Variants in HTR2B observed in about 807,000 individuals in gnomAD.
HTR2B encodes the protein 5-HT 2B receptor.
HTR2B carries 31 observed loss-of-function variants against 39.8 expected under a neutral mutation model. The observed-to-expected ratio is 0.78, with a 90% CI of 0.58 to 1.05. The LOEUF (loss-of-function observed/expected upper bound fraction) is 1.05. Ranked by LOEUF, HTR2B falls within the 50% of genes least tolerant of loss-of-function variation. The probability of loss-of-function intolerance (pLI) is 0.00; values close to 1 mark genes in which losing one functional copy is unlikely to be tolerated. For missense variants in HTR2B, 562 were observed against 578.0 expected, an observed-to-expected ratio of 0.97 and a Z score of 0.28; for synonymous variants, 210 against 207.1, an observed-to-expected ratio of 1.01 and a Z score of -0.12.
In HTR2B at chr2:231,108,525, A is replaced by T. The variant is rs746531795; in HGVS notation, c.1438T>A (p.Tyr480Asn). Reference protein sequence around the residue: ...EGDKTEEQVSYV With the variant: ...EGDKTEEQVSNV ...GACAACTGCCAGTTCTGCTATACAT[A>T]ACTAACTTGCTCTTCAGTTTTGTCA... is the stretch of plus-strand genomic sequence containing the variant. The change falls in exon 4 of 4, where the codon TAT becomes AAT. Residue 480 changes from tyrosine to asparagine, a missense_variant. Physicochemically the swap from Tyr to Asn is moderately radical, Grantham distance 143. Transcript: ENST00000258400. 9 of 1,613,216 alleles carry T rather than the reference A, an allele frequency of 5.6e-6. No homozygotes were observed. The East Asian group carries it at 2.0e-4, about 36-fold the overall frequency.
chr2:231,110,364 G>GA (rs2125207393), intron 3 of HTR2B, among the ~76,000 whole-genome samples: 1 of 152,150 alleles, frequency 6.6e-6, no homozygotes, highest in Non-Finnish European at 1.5e-5. Context: ...TATACCTCAT[G>GA]TTAGTTTTCT....
At position 231,108,986 on chromosome 2, in the gene HTR2B, A is replaced by T. The variant is rs1392746855; in HGVS notation, c.977T>A (p.Leu326Gln). The T allele has an allele frequency of 1.9e-5, 31 of 1,614,190 alleles. No homozygotes were observed. The highest frequency in any genetic ancestry group is 2.6e-5 in the Non-Finnish European group (31 of 1,180,014). Reference sequence around the variant, plus strand: ...CAAAAAGAGGAAAAACACAATCCCTAGGACCTTTGAGGCTCTCTGTTCGTT... The same window carrying T: ...CAAAAAGAGGAAAAACACAATCCCTTGGACCTTTGAGGCTCTCTGTTCGTT... Reference protein sequence around the residue: ...ISNEQRASKVLGIVFFLFLLM... With the variant: ...ISNEQRASKVQGIVFFLFLLM... Residue 326 changes from leucine (L) to glutamine (Q), a missense_variant, in exon 4 of 4, where the codon CTA becomes CAA. By Grantham distance (113) the Leu-to-Gln change is moderately radical (BLOSUM62 -2). Coordinates refer to ENST00000258400, the MANE Select transcript of HTR2B (RefSeq NM_000867.5).
chr2:231,123,576 C>T lies in HTR2B; in HGVS notation c.189G>A (p.Met63Ile), dbSNP rs763406105. 9 of 1,614,104 alleles carry T rather than the reference C, an allele frequency of 5.6e-6. No individual in the cohort carries two copies. The highest frequency in any genetic ancestry group is 7.6e-6 in the Non-Finnish European group (9 of 1,179,960). The change falls in exon 2 of 4, where the codon ATG (methionine) becomes ATA (isoleucine). Residue 63 changes from methionine to isoleucine, a missense_variant. Physicochemically the swap from Met to Ile is conservative, Grantham distance 10 (BLOSUM62 1). Coordinates refer to ENST00000258400, the MANE Select transcript of HTR2B (RefSeq NM_000867.5). ...KLHWAALLIL[M>I]VIIPTIGGNT... ...TTCCACCAATTGTGGGTATTATCACCATGAGTATCAGAAGAGCTGCCCAGT... is the reference window on the plus strand; with the variant it reads ...TTCCACCAATTGTGGGTATTATCACTATGAGTATCAGAAGAGCTGCCCAGT...
At chr2:231,120,885 A>G (rs1464745878) in intron 2 of HTR2B, among the ~76,000 whole-genome samples, 1 of 152,206 alleles carries the variant, frequency 6.6e-6, no homozygotes, top group Non-Finnish European at 1.5e-5. Context: ...TCTGCCTTTT[A>G]AAGTTATCAG....
At chr2:231,115,763 G>A (rs1695309978) in intron 2 of HTR2B, among the ~76,000 whole-genome samples, 5 of 152,138 alleles carry the variant, frequency 3.3e-5, no homozygotes. Context: ...ATCTGAAAGT[G>A]TTATTTAGAA....
intron 3 of HTR2B, 89 bp downstream of exon 3, chr2:231,113,640 G>A (rs1695231808): frequency 8.5e-7 from 1 of 1,170,684 alleles, no homozygotes; most frequent in Non-Finnish European, 1.3e-6. Context: ...CTCATGCTGA[G>A]TTTCATTGCC....
At chr2:231,115,335 G>A (rs1301154080) in intron 2 of HTR2B, among the ~76,000 whole-genome samples, 1 of 152,164 alleles carries the variant, frequency 6.6e-6, no homozygotes, top group African/African-American at 2.4e-5. Context: ...CCAGAAGGTA[G>A]CAAGGCTGAC....
At chr2:231,114,595 T>G (rs995611705) in intron 2 of HTR2B, among the ~76,000 whole-genome samples, 14 of 152,352 alleles carry the variant, frequency 9.2e-5, no homozygotes, top group African/African-American at 3.4e-4. Flanking sequence ...GGAGATAAAA[T>G]AATTAGTACA....
intron 3 of HTR2B, 131 bp from the exon 4 acceptor site, chr2:231,109,540 G>T: frequency 1.3e-6 from 1 of 766,798 alleles, no homozygotes; most frequent in Non-Finnish European, 2.1e-6. Context: ...CCACAATGCA[G>T]GATTTGTCGA....
chr2:231,115,178 A>G (rs1018673548), intron 2 of HTR2B, among the ~76,000 whole-genome samples: 2 of 151,998 alleles, frequency 1.3e-5, no homozygotes, highest in African/African-American at 4.8e-5. Context: ...GAGAGAGATT[A>G]AAATCTCAGA....
At chr2:231,115,011 T>C (rs1695281793) in intron 2 of HTR2B, among the ~76,000 whole-genome samples, 1 of 152,192 alleles carries the variant, frequency 6.6e-6, no homozygotes, top group South Asian at 2.1e-4. Context: ...TAAAATGTAA[T>C]CTACTTTTCT....
intron 3 of HTR2B, among the ~76,000 whole-genome samples, chr2:231,112,900 C>G (rs1016716178): frequency 6.6e-6 from 1 of 152,188 alleles, no homozygotes; most frequent in East Asian, 1.9e-4. Context: ...TGCAGTGACT[C>G]ACGCCTGTAA....
At chr2:231,116,765 T>G (rs1227456663) in intron 2 of HTR2B, among the ~76,000 whole-genome samples, 1 of 152,148 alleles carries the variant, frequency 6.6e-6, no homozygotes, top group Non-Finnish European at 1.5e-5. Context: ...TAGTGCTTTA[T>G]TGTTAACAGA....
Position 231,108,299 on chromosome 2 carries a change from T to A in HTR2B, c.*218A>T, listed in dbSNP as rs1326247556. 1 of 493,866 alleles carries A rather than the reference T, an allele frequency of 2.0e-6. No homozygotes were observed. Among genetic ancestry groups the A allele is most frequent in the African/African-American group, 1.9e-5 (1 of 51,836 alleles). The allele number at this position is 493,866 out of a possible 1,614,324, so 30.6% of individuals were successfully genotyped here. A position where few individuals can be genotyped will look rare whatever the true frequency, so the allele number is the denominator to read the frequency against. On this transcript the variant is annotated 3_prime_UTR_variant, in exon 4 of 4. Coordinates refer to ENST00000258400, the MANE Select transcript of HTR2B (RefSeq NM_000867.5). ...CGAATACCTTAAAATTTAACCAGAG[T>A]GCTGGATTGTTTTCATTTGTAGCTA...
At chr2:231,118,988 CAT>C (rs1695440683) in intron 2 of HTR2B, among the ~76,000 whole-genome samples, 2 of 151,786 alleles carry the variant, frequency 1.3e-5, no homozygotes, top group Admixed American at 1.3e-4. Context: ...AAAAGAAAGA[CAT>C]AGTTCAGTTC....
chr2:231,114,168 A>G (rs532572837), intron 2 of HTR2B, among the ~76,000 whole-genome samples: 10 of 152,338 alleles, frequency 6.6e-5, no homozygotes, highest in Admixed American at 2.0e-4. Flanking sequence ...TTTCTAAGTC[A>G]GCAGCAGTTT....
intron 2 of HTR2B, among the ~76,000 whole-genome samples, chr2:231,121,395 TTAA>T (rs1224601783): frequency 1.3e-5 from 2 of 152,198 alleles, no homozygotes; most frequent in South Asian, 4.2e-4. Context: ...AAATTTAAAG[TTAA>T]TAAACATTTG....
rs1695063095 is a variant in HTR2B, at chr2:231,109,047, A to T, written c.916T>A (p.Ser306Thr). 2 of 1,614,096 alleles carry T rather than the reference A, an allele frequency of 1.2e-6. No individual in the cohort carries two copies. Among genetic ancestry groups the T allele is most frequent in the Middle Eastern group, 1.6e-4 (1 of 6,084 alleles). The change falls in exon 4 of 4, where the codon TCC (serine) becomes ACC (threonine). Residue 306 changes from serine (S) to threonine (T), a missense_variant. Physicochemically the swap from Ser to Thr is moderately conservative, Grantham distance 58. Coordinates refer to ENST00000258400, the MANE Select transcript of HTR2B (RefSeq NM_000867.5). ...SGDETLMRRTSTIGKKSVQTI... is the reference protein window; with the variant it reads ...SGDETLMRRTTTIGKKSVQTI... Reference sequence around the variant, plus strand: ...TGCACTGACTTTTTCCCAATTGTGGATGTTCTTCGCATAAGTGTTTCATCA... The same window carrying T: ...TGCACTGACTTTTTCCCAATTGTGGTTGTTCTTCGCATAAGTGTTTCATCA...
intron 2 of HTR2B, among the ~76,000 whole-genome samples, chr2:231,115,816 G>T (rs956140358): frequency 3.3e-5 from 5 of 152,154 alleles, no homozygotes; most frequent in Admixed American, 3.3e-4. Flanking sequence ...GTGAGGATCG[G>T]CATCACCTGG....
Sources: allele counts gnomAD v4.1 joint callset (sites outside exome capture counted in the v4.1 genomes callset), GRCh38; gene constraint gnomAD v4.1.1; transcripts MANE v1.5; gene names NCBI Gene and HGNC (gene_info 2026-07-23, HGNC 2026-07-21).